Variants in PALD1 observed in about 807,000 individuals in gnomAD.
PALD1 encodes paladin.
A neutral mutation model predicts 96.0 loss-of-function variants in PALD1; 57 were observed. The ratio of observed to expected loss-of-function variants is 0.59; its 90% CI spans 0.48 to 0.74. The LOEUF is 0.74. Among genes scored for constraint, PALD1 ranks in the 30% least tolerant of loss-of-function variants. PALD1 has a pLI of 0.00. For missense variants in PALD1, 1,063 were observed against 1,143.7 expected (o/e 0.93, Z 1.02); for synonymous variants, 464 against 473.6 (o/e 0.98, Z 0.26).
rs1003541391 is a variant in PALD1, at chr10:70,529,310, C to T, written c.267C>T (p.Thr89=). Residue 89 remains threonine (T), a synonymous_variant, in exon 3 of 20, where the codon ACC becomes ACT. Coordinates refer to ENST00000263563, the MANE Select transcript of PALD1 (RefSeq NM_014431.3). ...HYTLGRLSDN[T]PEHYLVQGRY... is the part of the protein sequence containing the mutation. Reference sequence around the variant, plus strand: ...CGTTGGGCCGGCTCTCGGACAACACCCCTGAGCACTACCTGGTGCAAGTGA... The same window carrying T: ...CGTTGGGCCGGCTCTCGGACAACACTCCTGAGCACTACCTGGTGCAAGTGA... The T allele has an allele frequency of 1.3e-6, 2 of 1,594,264 alleles. No individual in the cohort carries two copies. The highest frequency in any genetic ancestry group is 1.7e-6 in the Non-Finnish European group (2 of 1,166,768).
At chr10:70,548,440 C>A (rs1430347129) in intron 18 of PALD1, among the ~76,000 whole-genome samples, 1 of 152,198 alleles carries the variant, frequency 6.6e-6, no homozygotes, top group Non-Finnish European at 1.5e-5. Flanking sequence ...TGGACCAGTC[C>A]CATGACCACA....
the PALD1 span, among the ~76,000 whole-genome samples, chr10:70,458,686 G>C: frequency 6.6e-6 from 1 of 152,218 alleles, no homozygotes; most frequent in East Asian, 1.9e-4. Context: ...GTGAGACAGA[G>C]ACGCTCCGGC....
chr10:70,459,417 G>A, the PALD1 span, among the ~76,000 whole-genome samples: 1 of 151,934 alleles, frequency 6.6e-6, no homozygotes, highest in South Asian at 2.1e-4. Context: ...CCCCTCCCGC[G>A]ACAGTAGGAG....
chr10:70,514,791 G>GTTAA (rs1426342607), intron 1 of PALD1, among the ~76,000 whole-genome samples: 1 of 152,154 alleles, frequency 6.6e-6, no homozygotes, highest in Non-Finnish European at 1.5e-5. Context: ...GAGGGCCAGG[G>GTTAA]TTAAGGACAC....
Position 70,566,588 on chromosome 10 carries a change from C to G in PALD1, c.2426C>G (p.Ser809Trp). ...PFSTWMQEVA[S>W]KAGIYEILNE... Reference sequence around the variant, plus strand: ...CCTCTGCTCTCCTCCCAGGTGGCATCGAAGGCTGGCATCTACGAGATCCTT... The same window carrying G: ...CCTCTGCTCTCCTCCCAGGTGGCATGGAAGGCTGGCATCTACGAGATCCTT... Residue 809 changes from serine to tryptophan, a missense_variant, in exon 20 of 20, where the codon TCG becomes TGG. Transcript: ENST00000263563. The G allele has an allele frequency of 1.9e-6, 3 of 1,608,444 alleles. No individual in the cohort carries two copies. Among genetic ancestry groups the G allele is most frequent in the East Asian group, 4.5e-5 (2 of 44,718 alleles).
intron 18 of PALD1, among the ~76,000 whole-genome samples, chr10:70,549,118 G>T (rs372509493): frequency 6.6e-6 from 1 of 151,628 alleles, no homozygotes; most frequent in African/African-American, 2.4e-5. Flanking sequence ...TTCAGAAGAC[G>T]GACTTTGGTG....
upstream of PALD1, among the ~76,000 whole-genome samples, chr10:70,473,896 C>A (rs907847641): frequency 2.0e-5 from 3 of 149,390 alleles, no homozygotes; most frequent in Non-Finnish European, 3.0e-5. Context: ...GATCCACCCC[C>A]CCCCCCTCAG....
chr10:70,535,629 C>A (rs1847099097), intron 10 of PALD1, among the ~76,000 whole-genome samples: 1 of 146,804 alleles, frequency 6.8e-6, no homozygotes. Context: ...CCTCCTTCTT[C>A]TCGTCTTCCT....
chr10:70,546,191 C>G (rs899121315), intron 17 of PALD1, among the ~76,000 whole-genome samples: 3 of 151,158 alleles, frequency 2.0e-5, no homozygotes, highest in Non-Finnish European at 4.4e-5. Flanking sequence ...GAGCCGAGAT[C>G]TCACCACTAC....
At chr10:70,531,045 G>A (rs960432014) in intron 4 of PALD1, among the ~76,000 whole-genome samples, 1 of 152,162 alleles carries the variant, frequency 6.6e-6, no homozygotes, top group Non-Finnish European at 1.5e-5. Flanking sequence ...AGGAATTAAC[G>A]CCAAGAGATT....
chr10:70,468,519 C>A, the PALD1 span, among the ~76,000 whole-genome samples: 3 of 152,138 alleles, frequency 2.0e-5, no homozygotes, highest in East Asian at 5.8e-4. Flanking sequence ...GCTGGGATTA[C>A]AGGCTTGAGC....
At chr10:70,507,746 T>TGTGC (rs1208729760) in intron 1 of PALD1, among the ~76,000 whole-genome samples, 9 of 77,232 alleles carry the variant, frequency 1.2e-4, no homozygotes, top group South Asian at 5.7e-4. Flanking sequence ...ATGTTTTGTG[T>TGTGC]GTGCGTGTGT....
the PALD1 span, among the ~76,000 whole-genome samples, chr10:70,461,498 G>C: frequency 6.6e-5 from 10 of 152,360 alleles, no homozygotes; most frequent in South Asian, 2.1e-3. Context: ...CACACAGTCA[G>C]CACCCAGGAA....
rs114074872 is a variant in PALD1, at chr10:70,540,295, G to T, written c.1908+533G>T. 0.019 allele frequency among the ~76,000 whole-genome samples: 2,863 copies of T among 151,930 alleles called. 82 individuals are homozygous for T. Among genetic ancestry groups the T allele is most frequent in the African/African-American group, 0.064 (2,633 of 41,384 alleles). On this transcript the variant is annotated intron_variant, in intron 15 of 19. Transcript: ENST00000263563. The surrounding 1 kb of genome is among the most constrained non-coding windows in gnomAD (Gnocchi z 4.2). Reference sequence around the variant, plus strand: ...TGGGTGGTGTGTGGAATGTGTGTGTGTGTGCATGTCTTTTTATGGAGTTTG... The same window carrying T: ...TGGGTGGTGTGTGGAATGTGTGTGTTTGTGCATGTCTTTTTATGGAGTTTG...
intron 10 of PALD1, among the ~76,000 whole-genome samples, chr10:70,537,243 G>T (rs986890618): frequency 6.6e-6 from 1 of 152,116 alleles, no homozygotes; most frequent in Non-Finnish European, 1.5e-5. Context: ...GAGTGGCTGG[G>T]ACTACAGGCA....
rs144722473 is a variant in PALD1, at chr10:70,533,689, C to G, written c.871-233C>G. On this transcript the variant is annotated intron_variant, in intron 7 of 19. Transcript: ENST00000263563. ...AGAAGGTGTTAATACTGGCCTGGTG[C>G]CCTCTGAGTCGCTCTCACTTCCAGT... Among the ~76,000 whole-genome samples the G allele has an allele frequency of 1.6e-4, 24 of 152,350 alleles. No individual in the cohort carries two copies. In the East Asian group the frequency reaches 4.4e-3, roughly 28 times the overall value.
chr10:70,488,717 G>A (rs1285313555), intron 1 of PALD1, among the ~76,000 whole-genome samples: 1 of 152,186 alleles, frequency 6.6e-6, no homozygotes, highest in Non-Finnish European at 1.5e-5. Context: ...CCCTGAGCTG[G>A]GGCTTGGCGA....
the PALD1 span, among the ~76,000 whole-genome samples, chr10:70,472,916 A>T: frequency 6.6e-6 from 1 of 152,188 alleles, no homozygotes; most frequent in African/African-American, 2.4e-5. Flanking sequence ...TTTGCTAAGA[A>T]TTTTAAATTT....
At chr10:70,467,726 A>G in the PALD1 span, among the ~76,000 whole-genome samples, 1 of 152,202 alleles carries the variant, frequency 6.6e-6, no homozygotes, top group South Asian at 2.1e-4. Flanking sequence ...ACCTGCTCTA[A>G]GGGTTTTGTG....
Sources: gnomAD v4.1 joint callset for allele counts (sites outside exome capture counted in the v4.1 genomes callset) on GRCh38, gnomAD v4.1.1 for gene constraint, Gnocchi (gnomAD v3.1) non-coding constraint, MANE v1.5 for transcripts, NCBI Gene and HGNC (gene_info 2026-07-23, HGNC 2026-07-21) for gene names.